The following SYT9 variants were observed in gnomAD, a reference collection of about 807,000 sequenced individuals.
SYT9 encodes synaptotagmin-9.
A neutral mutation model predicts 48.4 loss-of-function variants in SYT9; 22 were observed. The ratio of observed to expected loss-of-function variants is 0.45; its 90% CI spans 0.32 to 0.65. SYT9 has a LOEUF of 0.65. Among genes scored for constraint, SYT9 ranks in the 30% least tolerant of loss-of-function variants. The pLI is 0.03. For synonymous variants in SYT9, 265 were observed against 245.0 expected, an observed-to-expected ratio of 1.08 and a Z score of -0.76; for missense variants, 577 against 622.0, an observed-to-expected ratio of 0.93 and a Z score of 0.77.
chr11:7,324,867 T>A (rs189762496), intron 3 of SYT9, among the ~76,000 whole-genome samples: 6 of 152,198 alleles, frequency 3.9e-5, no homozygotes, highest in African/African-American at 1.4e-4. Flanking sequence ...CATATCTACA[T>A]CTTGAATAAT....
intron 1 of SYT9, among the ~76,000 whole-genome samples, chr11:7,296,908 A>G (rs888165578): frequency 1.3e-5 from 2 of 152,140 alleles, no homozygotes; most frequent in East Asian, 3.9e-4. Context: ...TAATTACATT[A>G]CCACCTTCCC....
At chr11:7,294,787 G>A (rs955600235) in intron 1 of SYT9, among the ~76,000 whole-genome samples, 5 of 152,202 alleles carry the variant, frequency 3.3e-5, no homozygotes, top group African/African-American at 1.2e-4. Context: ...TCTCAGTTCA[G>A]TGGGGCCATT....
At chr11:7,332,321 T>C (rs1469071984) in intron 3 of SYT9, among the ~76,000 whole-genome samples, 1 of 152,224 alleles carries the variant, frequency 6.6e-6, no homozygotes, top group African/African-American at 2.4e-5. Context: ...ATAACTTGCC[T>C]GTCATTTTCA....
intron 3 of SYT9, among the ~76,000 whole-genome samples, chr11:7,333,112 CA>C (rs1849570206): frequency 1.3e-5 from 2 of 152,310 alleles, no homozygotes; most frequent in South Asian, 4.1e-4. Context: ...CTAATTCTAA[CA>C]GATGGCTCTC....
chr11:7,365,220 G>A (rs776161491), intron 3 of SYT9, among the ~76,000 whole-genome samples: 1 of 151,964 alleles, frequency 6.6e-6, no homozygotes, highest in Non-Finnish European at 1.5e-5. Flanking sequence ...AAATCCTCAA[G>A]ATGGGGTGGG....
intron 6 of SYT9, among the ~76,000 whole-genome samples, chr11:7,446,482 T>G (rs889881158): frequency 6.6e-6 from 1 of 152,200 alleles, no homozygotes; most frequent in Non-Finnish European, 1.5e-5. Context: ...CAGGAGGGCT[T>G]ACTCTTGGGC....
At chr11:7,284,926 T>C (rs199654666) in intron 1 of SYT9, among the ~76,000 whole-genome samples, 1 of 152,148 alleles carries the variant, frequency 6.6e-6, no homozygotes, top group East Asian at 1.9e-4. Flanking sequence ...TTTTGCTCCC[T>C]CCCCTACTTC....
At chr11:7,413,529 G>T (rs921539644) in intron 3 of SYT9, among the ~76,000 whole-genome samples, 1 of 152,116 alleles carries the variant, frequency 6.6e-6, no homozygotes, top group Non-Finnish European at 1.5e-5. Context: ...ACCCTGGGAG[G>T]TCTCTCACTT....
Position 7,303,081 on chromosome 11 carries a change from G to A in SYT9, c.188G>A (p.Gly63Asp). The stretch of plus-strand genomic sequence containing the variant: ...CTGACCCTTGTGGTCACTGCCTGTG[G>A]TCTCGCTCTCTTTGGCGTGTCTCTC... ...SLLTLVVTACGLALFGVSLFV... is the reference protein window; with the variant it reads ...SLLTLVVTACDLALFGVSLFV... The change falls in exon 2 of 7, where the codon GGT becomes GAT. Residue 63 changes from glycine to aspartate, a missense_variant. Physicochemically the swap from Gly to Asp is moderately conservative, Grantham distance 94. Coordinates refer to ENST00000318881, the MANE Select transcript of SYT9 (RefSeq NM_175733.4). The A allele has an allele frequency of 2.5e-6, 4 of 1,614,178 alleles. No individual in the cohort carries two copies. Among genetic ancestry groups the A allele is most frequent in the Non-Finnish European group, 2.5e-6 (3 of 1,180,036 alleles).
At chr11:7,419,628 A>T (rs141565407) in intron 5 of SYT9, among the ~76,000 whole-genome samples, 1 of 152,076 alleles carries the variant, frequency 6.6e-6, no homozygotes, top group East Asian at 1.9e-4. Flanking sequence ...CGGGCATGGT[A>T]TCTCACACCT....
chr11:7,267,914 G>T (rs1321246241), intron 1 of SYT9, among the ~76,000 whole-genome samples: 1 of 151,916 alleles, frequency 6.6e-6, no homozygotes, highest in Non-Finnish European at 1.5e-5. Context: ...TTTAATAACA[G>T]ATACAGAAGA....
intron 6 of SYT9, among the ~76,000 whole-genome samples, chr11:7,442,908 T>G (rs1174035344): frequency 6.6e-6 from 1 of 152,010 alleles, no homozygotes. Flanking sequence ...ACACTGAGGA[T>G]TCAGTGATAA....
Position 7,400,763 on chromosome 11 carries a change from G to A in SYT9, c.1045-15279G>A, listed in dbSNP as rs188207154. Among the ~76,000 whole-genome samples, 9 of 152,200 alleles carry A rather than the reference G, an allele frequency of 5.9e-5. No individual in the cohort carries two copies. The East Asian group carries it at 9.6e-4, about 16-fold the overall frequency. ...TTCTAGCAGAATGCCTCCTCATCCC[G>A]AGAGAAGCCACCTCCTAGTCCCTCA... On this transcript the variant is annotated intron_variant, in intron 3 of 6. Coordinates refer to ENST00000318881, the MANE Select transcript of SYT9 (RefSeq NM_175733.4).
At chr11:7,397,366 TG>T (rs1453700221) in intron 3 of SYT9, among the ~76,000 whole-genome samples, 1 of 152,192 alleles carries the variant, frequency 6.6e-6, no homozygotes, top group Non-Finnish European at 1.5e-5. Context: ...CTCTTCATTT[TG>T]TTCCATTGAG....
At chr11:7,429,687 G>A (rs2134116608) in intron 6 of SYT9, among the ~76,000 whole-genome samples, 1 of 152,292 alleles carries the variant, frequency 6.6e-6, no homozygotes, top group Admixed American at 6.5e-5. Flanking sequence ...GCTGTCGCGA[G>A]ATCAGCTCTT....
chr11:7,459,919 T>C (rs1187650413), intron 6 of SYT9, among the ~76,000 whole-genome samples: 1 of 152,178 alleles, frequency 6.6e-6, no homozygotes, highest in East Asian at 1.9e-4. Context: ...ACTGGTACCT[T>C]GACTTCAGAC....
rs974663633 is a variant in SYT9 at position 7,401,576 on chromosome 11, T to A, written c.1045-14466T>A. On this transcript the variant is annotated intron_variant, in intron 3 of 6. Transcript: ENST00000318881. ...TTAATTTCTTTAGTAGATATAAGAC[T>A]ACTCAAGCTATCTATTTTTTCTTTA... 5.9e-5 allele frequency among the ~76,000 whole-genome samples: 9 copies of A among 151,854 alleles called. No homozygotes were observed. The South Asian group carries it at 1.7e-3, about 28-fold the overall frequency.
At chr11:7,443,348 T>C (rs1488501332) in intron 6 of SYT9, among the ~76,000 whole-genome samples, 6 of 152,236 alleles carry the variant, frequency 3.9e-5, no homozygotes, top group Non-Finnish European at 8.8e-5. Flanking sequence ...ATAACAGTTA[T>C]GGTGTTACCT....
At chr11:7,248,462 C>T (rs933349263), upstream of SYT9, among the ~76,000 whole-genome samples, 34 of 152,098 alleles carry the variant, frequency 2.2e-4, no homozygotes, top group African/African-American at 8.0e-4. Context: ...ATAGTTTCAG[C>T]TCTTAGATTT....
Sources: allele counts gnomAD v4.1 joint callset (sites outside exome capture counted in the v4.1 genomes callset), GRCh38; gene constraint gnomAD v4.1.1; transcripts MANE v1.5; gene names NCBI Gene and HGNC (gene_info 2026-07-23, HGNC 2026-07-21).